Variants in SYNJ2 observed in about 807,000 individuals in gnomAD.
SYNJ2 encodes the protein synaptojanin 2, also known as polyphosphatidylinositol phosphatase SYNJ2.
A neutral mutation model predicts 141.3 loss-of-function variants in SYNJ2; 116 were observed. That is an observed-to-expected ratio of 0.82 (90% CI 0.71 to 0.96). SYNJ2 has a LOEUF of 0.96. Ranked by LOEUF, SYNJ2 falls within the 40% of genes least tolerant of loss-of-function variation. SYNJ2 has a pLI of 0.00. For missense variants in SYNJ2, 1,873 were observed against 1,934.8 expected (o/e 0.97, Z 0.60); for synonymous variants, 745 against 777.7 (o/e 0.96, Z 0.70).
rs552714833 is a variant in SYNJ2, at chr6:158,085,709, G to C, written c.3209-1146G>C. Reference sequence around the variant, plus strand: ...ACTTATGGATTTTTGAGCCCTACCAGAGAGATCTGGATTTGGTAGGAGTGG... The same window carrying C: ...ACTTATGGATTTTTGAGCCCTACCACAGAGATCTGGATTTGGTAGGAGTGG... On this transcript the variant is annotated intron_variant, in intron 22 of 26. Coordinates refer to ENST00000355585, the MANE Select transcript of SYNJ2 (RefSeq NM_003898.4). 1.3e-4 allele frequency among the ~76,000 whole-genome samples: 20 copies of C among 152,328 alleles called. No individual in the cohort carries two copies. In the South Asian group the frequency reaches 4.1e-3, roughly 32 times the overall value.
chr6:158,032,158 G>A (rs557590889), intron 3 of SYNJ2, among the ~76,000 whole-genome samples: 46 of 151,628 alleles, frequency 3.0e-4, no homozygotes, highest in African/African-American at 1.1e-3. Context: ...GTGACTGTGC[G>A]ACCTCAGACG....
intron 11 of SYNJ2, among the ~76,000 whole-genome samples, 171 bp from the exon 12 acceptor site, chr6:158,066,273 C>G (rs564695583): frequency 6.6e-6 from 1 of 152,070 alleles, no homozygotes; most frequent in Non-Finnish European, 1.5e-5. Flanking sequence ...AGGGAAGCCC[C>G]GTGGTGACCG....
intron 5 of SYNJ2, among the ~76,000 whole-genome samples, chr6:158,048,046 T>C (rs907957551): frequency 4.6e-5 from 7 of 152,066 alleles, no homozygotes; most frequent in African/African-American, 1.7e-4. Context: ...CATAGACTCA[T>C]CGTAAATCAG....
intron 17 of SYNJ2, 178 bp from the exon 18 acceptor site, chr6:158,077,986 T>G: frequency 1.8e-6 from 1 of 563,266 alleles, no homozygotes; most frequent in Non-Finnish European, 3.2e-6. Context: ...GAGGAATGTT[T>G]TTAACCAAAG....
In SYNJ2 at chr6:157,981,947, G is replaced by A; in HGVS notation, c.-15G>A. ...GACGTGGCCCCGGCCCCCGCCCGCA[G>A]TGGGCCCGACCCTCATGGCCCTGAG... On this transcript the variant is annotated 5_prime_UTR_variant, in exon 1 of 27. The change creates a new upstream start codon in the 5' untranslated region. Transcript: ENST00000355585. The surrounding 1 kb of genome is among the most constrained non-coding windows in gnomAD (Gnocchi z 6.4). 1 of 1,227,852 alleles carries A rather than the reference G, an allele frequency of 8.1e-7. No homozygotes were observed. Among genetic ancestry groups the A allele is most frequent in the Non-Finnish European group, 1.0e-6 (1 of 984,958 alleles). 76.1% of individuals were successfully genotyped at this position (1,227,852 alleles called of 1,614,324 possible). A position where few individuals can be genotyped will look rare whatever the true frequency, so the allele number is the denominator to read the frequency against.
intron 2 of SYNJ2, among the ~76,000 whole-genome samples, chr6:158,022,636 G>T (rs1453058943): frequency 1.3e-5 from 2 of 152,234 alleles, no homozygotes; most frequent in Non-Finnish European, 2.9e-5. Context: ...CAGGCCACTG[G>T]AGGTGTGCAG....
intron 1 of SYNJ2, among the ~76,000 whole-genome samples, chr6:158,006,540 C>T (rs1255039358): frequency 6.6e-6 from 1 of 152,336 alleles, no homozygotes; most frequent in Non-Finnish European, 1.5e-5. Flanking sequence ...GGTCACTTCT[C>T]AGTCCACCCT....
intron 5 of SYNJ2, 27 bp from the exon 6 acceptor site, chr6:158,054,940 C>T (rs1780781650): frequency 3.7e-6 from 6 of 1,611,904 alleles, no homozygotes; most frequent in Non-Finnish European, 4.2e-6. Context: ...AAGGAAGAAT[C>T]ACTGTTGTTA....
In SYNJ2 at chr6:158,088,746, CTTCTACCAGGAG is replaced by C; in HGVS notation, c.3431_3442del (p.Leu1144_Ala1148delinsPro). ...GTATTCAATTTTGCAGACGGCAAGA[CTTCTACCAGGAG>C]CACCTCAGCAACCTGTGAGTTCTTC... On this transcript the variant is annotated inframe_deletion, in exon 24 of 27. Transcript: ENST00000355585. 2 of 1,613,990 alleles carry C rather than the reference CTTCTACCAGGAG, an allele frequency of 1.2e-6. No individual in the cohort carries two copies. The highest frequency in any genetic ancestry group is 1.7e-6 in the Non-Finnish European group (2 of 1,179,894).
chr6:158,036,829 GC>G (rs1461510530), intron 4 of SYNJ2, among the ~76,000 whole-genome samples: 5 of 152,184 alleles, frequency 3.3e-5, no homozygotes, highest in South Asian at 4.1e-4. Context: ...AGAAGCTGTG[GC>G]CCCAGCTGGG....
chr6:158,088,680 T>G lies in SYNJ2; in HGVS notation c.3364T>G (p.Ser1122Ala). Residue 1122 changes from serine to alanine, a missense_variant, in exon 24 of 27, where the codon TCG (serine) becomes GCG (alanine). By Grantham distance (99) the Ser-to-Ala change is moderately conservative. Coordinates refer to ENST00000355585, the MANE Select transcript of SYNJ2 (RefSeq NM_003898.4). ...PPPTGLMVKK[S>A]ASDASISSGT... ...TACAGCCGGTTTAATGGTGAAAAAG[T>G]CGGCTTCAGATGCGTCCATCTCCTC... The G allele has an allele frequency of 6.2e-7, 1 of 1,613,992 alleles. No homozygotes were observed. The highest frequency in any genetic ancestry group is 2.2e-5 in the East Asian group (1 of 44,870).
intron 25 of SYNJ2, among the ~76,000 whole-genome samples, chr6:158,090,436 C>A (rs1290498272): frequency 1.3e-5 from 2 of 152,070 alleles, no homozygotes; most frequent in East Asian, 3.8e-4. Flanking sequence ...GGCTCTCCCC[C>A]ACTTCATTCA....
intron 22 of SYNJ2, among the ~76,000 whole-genome samples, chr6:158,085,862 G>A (rs1324893960): frequency 2.6e-5 from 4 of 152,090 alleles, no homozygotes; most frequent in South Asian, 4.1e-4. Context: ...GGTTCTGCAC[G>A]TTGCTCCTGC....
At position 158,091,822 on chromosome 6, in the gene SYNJ2, C is replaced by T. The variant is rs957526158; in HGVS notation, c.3566-1104C>T. Among the ~76,000 whole-genome samples, 100 of 150,980 alleles carry T rather than the reference C, an allele frequency of 6.6e-4. 1 individual carries two copies. The highest frequency in any genetic ancestry group is 4.2e-4 in the South Asian group (2 of 4,774). On this transcript the variant is annotated intron_variant, in intron 25 of 26. Coordinates refer to ENST00000355585, the MANE Select transcript of SYNJ2 (RefSeq NM_003898.4). Reference sequence around the variant, plus strand: ...ATGGGTGGACCTTGAAGACATTATACTATGTGAAAGAAAGAAAAAAAGGCC... The same window carrying T: ...ATGGGTGGACCTTGAAGACATTATATTATGTGAAAGAAAGAAAAAAAGGCC...
rs755679352 is a variant in SYNJ2, at chr6:158,069,553, G to A, written c.1820G>A (p.Trp607Ter). The A allele has an allele frequency of 1.2e-6, 2 of 1,613,612 alleles. No individual in the cohort carries two copies. Among genetic ancestry groups the A allele is most frequent in the Non-Finnish European group, 1.7e-6 (2 of 1,179,666 alleles). Reference sequence around the variant, plus strand: ...TCCAGTACTACCAACAAGAAGATGTGGGGTGAACAGCTTCAGAAAGCCATC... The same window carrying A: ...TCCAGTACTACCAACAAGAAGATGTAGGGTGAACAGCTTCAGAAAGCCATC... ...VNASTTNKKMWGEQLQKAISR... is the reference protein window; with the variant it reads ...VNASTTNKKM The change falls in exon 14 of 27, where the codon TGG becomes TAG. Residue 607 changes from tryptophan (W) to a stop codon, truncating the protein, a stop_gained. Coordinates refer to ENST00000355585, the MANE Select transcript of SYNJ2 (RefSeq NM_003898.4). LOFTEE classifies it high-confidence loss of function.
In SYNJ2 at chr6:158,043,484, A is replaced by T; in HGVS notation, c.795+85A>T. ...CAATAGCTGGGGAAGATTTCTTTTA[A>T]CACGTTCGTTTCATGGCATAGTTTC... On this transcript the variant is annotated intron_variant, in intron 5 of 26. Coordinates refer to ENST00000355585, the MANE Select transcript of SYNJ2 (RefSeq NM_003898.4). The surrounding 1 kb of genome is among the most constrained non-coding windows in gnomAD (Gnocchi z 4.0). The T allele has an allele frequency of 1.0e-6, 1 of 986,556 alleles. No homozygotes were observed. The highest frequency in any genetic ancestry group is 1.6e-6 in the Non-Finnish European group (1 of 640,464). The allele number at this position is 986,556 out of a possible 1,614,324, so 61.1% of individuals were successfully genotyped here. A position where few individuals can be genotyped will look rare whatever the true frequency, so the allele number is the denominator to read the frequency against.
rs1200280513 is a variant in SYNJ2 at position 158,033,682 on chromosome 6, T to G, written c.711+2T>G. 1.2e-6 allele frequency: 2 copies of G among 1,604,120 alleles called. No homozygotes were observed. Among genetic ancestry groups the G allele is most frequent in the East Asian group, 2.2e-5 (1 of 44,726 alleles). On this transcript the variant is annotated splice_donor_variant, in intron 4 of 26. Transcript: ENST00000355585. LOFTEE classifies it high-confidence loss of function. Reference sequence around the variant, plus strand: ...TCCAACTTCGTGGAGACAGAGCAGGTGAGTGCCCAGGCCCATCTGTGGCAC... The same window carrying G: ...TCCAACTTCGTGGAGACAGAGCAGGGGAGTGCCCAGGCCCATCTGTGGCAC...
rs1781067837 is a variant in SYNJ2, at chr6:158,059,395, G to C, written c.954+42G>C. 8 of 1,545,366 alleles carry C rather than the reference G, an allele frequency of 5.2e-6. No individual in the cohort carries two copies. In the East Asian group the frequency reaches 2.0e-4, roughly 38 times the overall value. On this transcript the variant is annotated intron_variant, in intron 7 of 26. Coordinates refer to ENST00000355585, the MANE Select transcript of SYNJ2 (RefSeq NM_003898.4). The stretch of plus-strand genomic sequence containing the variant: ...CTCTCCACAGCTGGGCTGGGCGGCA[G>C]GTGGCCATGGTGGAGCGTTGAGCCT...
chr6:158,096,588 C>A lies in SYNJ2; in HGVS notation c.*224C>A. On this transcript the variant is annotated 3_prime_UTR_variant, in exon 27 of 27. Coordinates refer to ENST00000355585, the MANE Select transcript of SYNJ2 (RefSeq NM_003898.4). ...GCTTGTACATCTGAAGTTTGCTCTTCAAGGAATGGGAACCTTCCTGTTAAA... is the reference window on the plus strand; with the variant it reads ...GCTTGTACATCTGAAGTTTGCTCTTAAAGGAATGGGAACCTTCCTGTTAAA... The A allele has an allele frequency of 2.2e-6, 1 of 447,312 alleles. No homozygotes were observed. The highest frequency in any genetic ancestry group is 3.9e-6 in the Non-Finnish European group (1 of 258,308). 27.7% of individuals were successfully genotyped at this position (447,312 alleles called of 1,614,324 possible).
Sources: gnomAD v4.1 joint callset for allele counts (sites outside exome capture counted in the v4.1 genomes callset) on GRCh38, gnomAD v4.1.1 for gene constraint, Gnocchi (gnomAD v3.1) non-coding constraint, MANE v1.5 for transcripts, NCBI Gene and HGNC (gene_info 2026-07-23, HGNC 2026-07-21) for gene names.